GALK1: variants seen among roughly 807,000 people sequenced by gnomAD.
GALK1 encodes galactokinase.
In GALK1, 30 loss-of-function variants were observed where a neutral mutation model predicts 38.6. That is an observed-to-expected ratio of 0.78 (90% confidence interval 0.58 to 1.05). GALK1 has a LOEUF of 1.05. GALK1 is among the 50% of genes least tolerant of loss of function. GALK1 has a pLI of 0.00. For synonymous variants in GALK1, 240 were observed against 233.6 expected (o/e 1.03, Z -0.25); for missense variants, 512 against 540.5 (o/e 0.95, Z 0.52).
chr17:75,760,090 T>A (rs1201802405), intron 5 of GALK1, among the ~76,000 whole-genome samples: 3 of 152,132 alleles, frequency 2.0e-5, no homozygotes, highest in African/African-American at 7.2e-5. Context: ...GCCTTAAGGA[T>A]ACTTGTATCT....
chr17:75,757,607 T>G, downstream of GALK1: 1 of 1,609,042 alleles, frequency 6.2e-7, no homozygotes, highest in Non-Finnish European at 8.5e-7. Context: ...TCCCGACTCC[T>G]CTCCCGGAGC....
rs561406530 is a variant in GALK1 at position 75,761,959 on chromosome 17, A to T, written c.793+745T>A. ...CACTTGAACCCGGGAGGCAGAGGTT[A>T]CAGTGAGCTGAGATCGCACCATTGC... is the stretch of plus-strand genomic sequence containing the variant. On this transcript the variant is annotated intron_variant, in intron 5 of 7. Coordinates refer to ENST00000588479, the MANE Select transcript of GALK1 (RefSeq NM_000154.2). Among the ~76,000 whole-genome samples the T allele has an allele frequency of 3.0e-4, 45 of 152,188 alleles. No individual in the cohort carries two copies. The East Asian group carries it at 7.9e-3, about 27-fold the overall frequency.
downstream of GALK1, chr17:75,753,699 C>A (rs969988812): frequency 1.8e-4 from 206 of 1,131,056 alleles, no homozygotes; most frequent in Non-Finnish European, 1.9e-4. Context: ...ACGGCCTTCC[C>A]CCGCCTGGCC....
downstream of GALK1, chr17:75,755,668 C>T (rs377675482): frequency 6.1e-5 from 98 of 1,611,842 alleles, no homozygotes; most frequent in Non-Finnish European, 7.5e-5. Context: ...CTAGCCCCTG[C>T]ATCTCTGGCT....
At chr17:75,754,087 G>A (rs1452509595), downstream of GALK1, 3 of 464,294 alleles carry the variant, frequency 6.5e-6, no homozygotes, top group Non-Finnish European at 1.1e-5. Context: ...AGCCAGGCCC[G>A]GGCCTTGGCG....
chr17:75,758,748 G>T, intron 5 of GALK1, 149 bp from the exon 6 acceptor site: 1 of 951,756 alleles, frequency 1.1e-6, no homozygotes, highest in Non-Finnish European at 1.6e-6. Flanking sequence ...TCTCTCAGAC[G>T]TGGGTCTGAA....
Position 75,758,228 on chromosome 17 carries a change from G to C in GALK1, c.1089C>G (p.His363Gln), listed in dbSNP as rs200502537. 1.2e-6 allele frequency: 2 copies of C among 1,604,748 alleles called. No individual in the cohort carries two copies. The highest frequency in any genetic ancestry group is 4.5e-5 in the East Asian group (2 of 44,580). Residue 363 changes from histidine (H) to glutamine (Q), a missense_variant, in exon 7 of 8, where the codon CAC becomes CAG. Physicochemically the swap from His to Gln is conservative, Grantham distance 24. Transcript: ENST00000588479. ...CGCCCACCTGGATGTGCCGCATGGCGTGGGGAGCAGCGGAGGCCTCCAGCA... is the reference window on the plus strand; with the variant it reads ...CGCCCACCTGGATGTGCCGCATGGCCTGGGGAGCAGCGGAGGCCTCCAGCA... ...VTLLEASAAP[H>Q]AMRHIQEHYG...
chr17:75,757,765 A>C (rs1157154555), downstream of GALK1: 1 of 711,216 alleles, frequency 1.4e-6, no homozygotes, highest in Non-Finnish European at 2.4e-6. Context: ...AGCTGGGAGC[A>C]GCACAAGGAC....
downstream of GALK1, chr17:75,755,574 T>C: frequency 8.3e-7 from 1 of 1,208,482 alleles, no homozygotes; most frequent in Non-Finnish European, 1.2e-6. Flanking sequence ...GCAGGGTGAG[T>C]GAGTTGTCCA....
At chr17:75,752,161 C>G (rs1264406335) in intron 8 of GALK1, 1 of 1,613,692 alleles carries the variant, frequency 6.2e-7, no homozygotes, top group Non-Finnish European at 8.5e-7. Context: ...CTGAAGCACT[C>G]TCTCTGCCCC....
chr17:75,752,783 G>C (rs932489526), intron 8 of GALK1, among the ~76,000 whole-genome samples: 2 of 152,162 alleles, frequency 1.3e-5, no homozygotes, highest in Admixed American at 1.3e-4. Flanking sequence ...TTGTGCAAGC[G>C]CACATGAGTT....
downstream of GALK1, chr17:75,753,727 C>A: frequency 7.5e-7 from 1 of 1,340,426 alleles, no homozygotes; most frequent in Admixed American, 3.1e-5. Context: ...GCCCGGCGCC[C>A]CCCGGCGGTG....
downstream of GALK1, chr17:75,754,529 C>T (rs200717512): frequency 3.1e-5 from 50 of 1,611,568 alleles, no homozygotes; most frequent in African/African-American, 1.6e-4. Context: ...CCACGGGGCC[C>T]GGGTCTGGGG....
chr17:75,756,421 C>T (rs371797130), downstream of GALK1: 8 of 1,611,086 alleles, frequency 5.0e-6, no homozygotes, highest in South Asian at 6.6e-5. Flanking sequence ...CCCACCTGAT[C>T]CCCCCAGGTG....
At chr17:75,755,696 C>T (rs1218549854), downstream of GALK1, 5 of 1,612,870 alleles carry the variant, frequency 3.1e-6, no homozygotes, top group African/African-American at 1.3e-5. Context: ...GCCTCCTGTC[C>T]CCAGACTCTC....
downstream of GALK1, chr17:75,756,760 C>G (rs1465119767): frequency 6.2e-7 from 1 of 1,613,070 alleles, no homozygotes; most frequent in African/African-American, 1.3e-5. Context: ...GTTCACTGCC[C>G]TGAGCCCAGA....
chr17:75,754,797 A>G, downstream of GALK1: 4 of 1,613,712 alleles, frequency 2.5e-6, no homozygotes, highest in Non-Finnish European at 3.4e-6. Flanking sequence ...CTCCACCCTC[A>G]CCTCCGTCTC....
chr17:75,759,646 A>G (rs935645828), intron 5 of GALK1, among the ~76,000 whole-genome samples: 8 of 152,086 alleles, frequency 5.3e-5, no homozygotes, highest in Non-Finnish European at 4.4e-5. Flanking sequence ...AGGGGCAAGG[A>G]CAGGCTGGGG....
downstream of GALK1, chr17:75,757,006 TCAG>T: frequency 6.2e-7 from 1 of 1,611,784 alleles, no homozygotes; most frequent in South Asian, 1.1e-5. Context: ...GTGCCGGGCC[TCAG>T]CGAGAACGTG....
Sources: allele counts gnomAD v4.1 joint callset (sites outside exome capture counted in the v4.1 genomes callset), GRCh38; gene constraint gnomAD v4.1.1; transcripts MANE v1.5; gene names NCBI Gene and HGNC (gene_info 2026-07-23, HGNC 2026-07-21).